The following LRFN2 variants were observed in gnomAD, a reference collection of about 807,000 sequenced individuals.
The protein encoded by LRFN2 is leucine-rich repeat and fibronectin type-III domain-containing protein 2.
Under a neutral mutation model 37.3 loss-of-function variants are expected in LRFN2, and 18 were observed. The ratio of observed to expected loss-of-function variants is 0.48; its 90% CI spans 0.33 to 0.72. The LOEUF (loss-of-function observed/expected upper bound fraction) is 0.72. Ranked by LOEUF, LRFN2 falls within the 30% of genes least tolerant of loss-of-function variation. The probability of loss-of-function intolerance (pLI) is 0.02; values close to 1 mark genes in which losing one functional copy is unlikely to be tolerated. For missense variants in LRFN2, 1,006 were observed against 1,060.7 expected (o/e 0.95, Z 0.72); for synonymous variants, 556 against 466.6 (o/e 1.19, Z -2.47).
intron 1 of LRFN2, among the ~76,000 whole-genome samples, chr6:40,500,906 G>A (rs999108859): frequency 4.0e-5 from 6 of 151,528 alleles, no homozygotes; most frequent in African/African-American, 1.5e-4. Flanking sequence ...TGTGAATGAC[G>A]GGTGGTGGTA....
At chr6:40,586,248 G>A (rs984541433) in intron 1 of LRFN2, among the ~76,000 whole-genome samples, 1 of 152,140 alleles carries the variant, frequency 6.6e-6, no homozygotes, top group Non-Finnish European at 1.5e-5. Flanking sequence ...CTTAGAACCA[G>A]GGCAGGGCTG....
chr6:40,417,058 C>T (rs60782518), intron 2 of LRFN2, among the ~76,000 whole-genome samples: 243 of 152,274 alleles, frequency 1.6e-3, no homozygotes, highest in African/African-American at 5.2e-3. Context: ...TTCCAGCCCC[C>T]GGCCCCTGAG....
chr6:40,523,530 T>C (rs1488531735), intron 1 of LRFN2, among the ~76,000 whole-genome samples: 1 of 64,870 alleles, frequency 1.5e-5, no homozygotes, highest in African/African-American at 8.9e-5. Context: ...TTTTTTTTTT[T>C]TTTTTACCGA....
chr6:40,415,664 G>A (rs539208861), intron 2 of LRFN2, among the ~76,000 whole-genome samples: 2 of 152,332 alleles, frequency 1.3e-5, no homozygotes, highest in East Asian at 3.9e-4. Flanking sequence ...AATCGGTGAA[G>A]ACCTCCCAGA....
chr6:40,407,741 C>A (rs145384613), intron 2 of LRFN2: 1 of 152,320 alleles, frequency 6.6e-6, no homozygotes, highest in Admixed American at 6.5e-5. Flanking sequence ...CAAGTAAACA[C>A]CACCTAATGA....
chr6:40,525,539 A>G (rs1374936725), intron 1 of LRFN2, among the ~76,000 whole-genome samples: 1 of 152,182 alleles, frequency 6.6e-6, no homozygotes, highest in African/African-American at 2.4e-5. Context: ...AAATAATGCA[A>G]TCTCTCAATC....
At chr6:40,422,300 T>G (rs1378078383) in intron 2 of LRFN2, among the ~76,000 whole-genome samples, 1 of 152,232 alleles carries the variant, frequency 6.6e-6, no homozygotes, top group Admixed American at 6.5e-5. Context: ...ATTCCCTAGC[T>G]GTGGATTTAC....
At chr6:40,481,314 A>C (rs1764825558) in intron 1 of LRFN2, among the ~76,000 whole-genome samples, 1 of 152,090 alleles carries the variant, frequency 6.6e-6, no homozygotes, top group African/African-American at 2.4e-5. Flanking sequence ...ACATGCCTGT[A>C]ATCTCAGCTA....
At chr6:40,462,112 G>T (rs1764360410) in intron 1 of LRFN2, among the ~76,000 whole-genome samples, 1 of 152,188 alleles carries the variant, frequency 6.6e-6, no homozygotes. Flanking sequence ...ATTACTGCAA[G>T]AACTGAGGCC....
chr6:40,528,160 A>C (rs544740264), intron 1 of LRFN2, among the ~76,000 whole-genome samples: 1 of 152,370 alleles, frequency 6.6e-6, no homozygotes, highest in South Asian at 2.1e-4. Context: ...GCTATCTTAA[A>C]GCTTCAATTT....
intron 1 of LRFN2, among the ~76,000 whole-genome samples, chr6:40,507,402 C>T (rs1280968601): frequency 6.6e-6 from 1 of 152,172 alleles, no homozygotes; most frequent in Non-Finnish European, 1.5e-5. Context: ...ACCCTGAACA[C>T]ACAGTGTCTC....
chr6:40,502,789 C>T (rs1765420541), intron 1 of LRFN2, among the ~76,000 whole-genome samples: 1 of 152,254 alleles, frequency 6.6e-6, no homozygotes, highest in African/African-American at 2.4e-5. Context: ...CCCAGACAGA[C>T]ATGGCACCTG....
At position 40,446,393 on chromosome 6, in the gene LRFN2, A is replaced by G. The variant is rs1052478507; in HGVS notation, c.-18-13262T>C. Among the ~76,000 whole-genome samples the G allele has an allele frequency of 2.0e-5, 3 of 152,242 alleles. No individual in the cohort carries two copies. In the East Asian group the frequency reaches 5.8e-4, roughly 29 times the overall value. ...GCCCTGCTCACCTGTTATGGGGGCT[A>G]CAGAGGAGAAAGGATCTCCCCCTTC... On this transcript the variant is annotated intron_variant, in intron 1 of 2. Coordinates refer to ENST00000338305, the MANE Select transcript of LRFN2 (RefSeq NM_020737.3).
At chr6:40,523,708 A>G (rs1766158173) in intron 1 of LRFN2, 1 of 152,122 alleles carries the variant, frequency 6.6e-6, no homozygotes, top group Non-Finnish European at 1.5e-5. Flanking sequence ...TTACTCATGA[A>G]CACATGAAGC....
intron 2 of LRFN2, among the ~76,000 whole-genome samples, chr6:40,404,660 A>G (rs1762807139): frequency 6.6e-6 from 1 of 152,196 alleles, no homozygotes; most frequent in Admixed American, 6.5e-5. Flanking sequence ...CCATGTACCC[A>G]GCAAGTGGTA....
At chr6:40,470,350 G>A (rs939142991) in intron 1 of LRFN2, among the ~76,000 whole-genome samples, 1 of 152,190 alleles carries the variant, frequency 6.6e-6, no homozygotes, top group Admixed American at 6.5e-5. Flanking sequence ...AGTGGCTCAC[G>A]CCTGTAATCC....
intron 1 of LRFN2, among the ~76,000 whole-genome samples, chr6:40,570,747 C>T (rs1356600583): frequency 6.6e-6 from 1 of 152,196 alleles, no homozygotes; most frequent in East Asian, 1.9e-4. Context: ...AGTGTCCAGC[C>T]ATGCAGACTG....
At chr6:40,545,585 C>T (rs1435331621) in intron 1 of LRFN2, among the ~76,000 whole-genome samples, 3 of 151,988 alleles carry the variant, frequency 2.0e-5, no homozygotes, top group Admixed American at 2.0e-4. Context: ...AGCCATGGCC[C>T]CAGGCAGAGG....
rs2113804146 is a variant in LRFN2, at chr6:40,587,159, GA to G, written c.-238del. 6.6e-6 allele frequency: 1 copy of G among 152,354 alleles called. No individual in the cohort carries two copies. The highest frequency in any genetic ancestry group is 1.9e-4 in the East Asian group (1 of 5,176). The allele number at this position is 152,354 out of a possible 1,614,324, so 9.4% of individuals were successfully genotyped here. A position where few individuals can be genotyped will look rare whatever the true frequency, so the allele number is the denominator to read the frequency against. On this transcript the variant is annotated 5_prime_UTR_variant, in exon 1 of 3. An upstream open reading frame in the 5' UTR gains an earlier in-frame stop. Coordinates refer to ENST00000338305, the MANE Select transcript of LRFN2 (RefSeq NM_020737.3). The surrounding 1 kb of genome is among the most constrained non-coding windows in gnomAD (Gnocchi z 4.2). ...CAGTTATATCCATGGCATTTAGCAA[GA>G]AGAAGGGGGGAAAAGCACAACTTGT...
Sources: allele counts gnomAD v4.1 joint callset (sites outside exome capture counted in the v4.1 genomes callset), GRCh38; gene constraint gnomAD v4.1.1; non-coding constraint Gnocchi (gnomAD v3.1); transcripts MANE v1.5; gene names NCBI Gene and HGNC (gene_info 2026-07-23, HGNC 2026-07-21).